CUBN: variants seen among roughly 807,000 people sequenced by gnomAD.
CUBN encodes 460 kDa receptor.
CUBN carries 282 observed loss-of-function variants against 405.3 expected under a neutral mutation model. The ratio of observed to expected loss-of-function variants is 0.70; its 90% confidence interval spans 0.63 to 0.77. The LOEUF is 0.77. Among genes scored for constraint, CUBN ranks in the 30% least tolerant of loss-of-function variants. CUBN has a pLI of 0.00. For missense variants in CUBN, 4,514 were observed against 4,475.2 expected (o/e 1.01, Z -0.25); for synonymous variants, 1,684 against 1,617.0 (o/e 1.04, Z -0.99).
intron 58 of CUBN, 87 bp from the exon 59 acceptor site, chr10:16,869,940 GA>G: frequency 1.1e-6 from 1 of 920,934 alleles, no homozygotes; most frequent in South Asian, 1.4e-5. Flanking sequence ...AAATGACAAG[GA>G]AAAAACTACC....
In CUBN at chr10:16,991,175, C is replaced by T. The variant is rs115170477; in HGVS notation, c.4169-660G>A. The stretch of plus-strand genomic sequence containing the variant: ...AGAAAGCCATTCAGGCAGACCATGA[C>T]AACAAATAATCAAATGCTGTAGCCT... On this transcript the variant is annotated intron_variant, in intron 28 of 66. Coordinates refer to ENST00000377833, the MANE Select transcript of CUBN (RefSeq NM_001081.4). 3.0e-3 allele frequency among the ~76,000 whole-genome samples: 454 copies of T among 152,332 alleles called. 3 individuals are homozygous for T. The highest frequency in any genetic ancestry group is 0.011 in the African/African-American group (438 of 41,578).
chr10:16,862,190 A>ACAT (rs1554783679), intron 59 of CUBN, among the ~76,000 whole-genome samples: 1 of 150,372 alleles, frequency 6.7e-6, no homozygotes, highest in Non-Finnish European at 1.5e-5. Flanking sequence ...ACACACACAC[A>ACAT]CACATCACAT....
intron 28 of CUBN, among the ~76,000 whole-genome samples, chr10:17,005,293 A>G (rs1158330945): frequency 6.6e-6 from 1 of 152,056 alleles, no homozygotes; most frequent in Non-Finnish European, 1.5e-5. Context: ...TTGTTCGGAC[A>G]TTTTTTTCCA....
chr10:17,045,888 C>A, intron 24 of CUBN, 46 bp downstream of exon 24: 1 of 1,599,028 alleles, frequency 6.3e-7, no homozygotes, highest in Non-Finnish European at 8.6e-7. Context: ...ATCAAGAAAC[C>A]AATCAGATTG....
chr10:16,836,726 T>C (rs188856892), intron 62 of CUBN, among the ~76,000 whole-genome samples: 4 of 152,342 alleles, frequency 2.6e-5, no homozygotes, highest in African/African-American at 9.6e-5. Context: ...TCTCTCCTCC[T>C]GGGGCTTTTG....
At chr10:17,067,103 T>G (rs947028879) in intron 21 of CUBN, among the ~76,000 whole-genome samples, 1 of 152,136 alleles carries the variant, frequency 6.6e-6, no homozygotes, top group South Asian at 2.1e-4. Context: ...ATTGAAAATG[T>G]CTGGTATCCC....
At position 16,851,442 on chromosome 10, in the gene CUBN, C is replaced by G. The variant is rs1165493180; in HGVS notation, c.9456G>C (p.Gly3152=). 1 of 1,613,996 alleles carries G rather than the reference C, an allele frequency of 6.2e-7. No individual in the cohort carries two copies. The highest frequency in any genetic ancestry group is 1.1e-5 in the South Asian group (1 of 91,074). ...GWKMSFRQTL[G]PQQGCGGYLT... is the part of the protein sequence containing the mutation. Reference sequence around the variant, plus strand: ...GATAACCACCACATCCTTGCTGAGGCCCTGCATTAAAACAAAGACATCACT... The same window carrying G: ...GATAACCACCACATCCTTGCTGAGGGCCTGCATTAAAACAAAGACATCACT... Residue 3152 remains glycine (G), a splice_region_variant and synonymous_variant, in exon 60 of 67, where the codon GGG becomes GGC. Coordinates refer to ENST00000377833, the MANE Select transcript of CUBN (RefSeq NM_001081.4).
intron 4 of CUBN, among the ~76,000 whole-genome samples, chr10:17,125,064 T>C (rs1444008618): frequency 6.6e-6 from 1 of 150,548 alleles, no homozygotes; most frequent in Non-Finnish European, 1.5e-5. Flanking sequence ...ACTCCCGACC[T>C]CACATGATCC....
At chr10:16,977,742 G>A (rs559326373) in intron 31 of CUBN, among the ~76,000 whole-genome samples, 23 of 152,258 alleles carry the variant, frequency 1.5e-4, no homozygotes, top group African/African-American at 5.3e-4. Context: ...GGGAGTTGTA[G>A]GCACCCACCC....
intron 59 of CUBN, among the ~76,000 whole-genome samples, chr10:16,862,160 TCACACACA>T (rs66664283): frequency 5.3e-4 from 70 of 131,204 alleles, no homozygotes; most frequent in South Asian, 1.2e-3. Flanking sequence ...TCTCTCTCTC[TCACACACA>T]CACACACACA....
At chr10:17,103,532 C>T (rs1836547738) in intron 12 of CUBN, among the ~76,000 whole-genome samples, 1 of 152,210 alleles carries the variant, frequency 6.6e-6, no homozygotes, top group African/African-American at 2.4e-5. Context: ...CCCCACACAA[C>T]ATAGCTCATG....
At chr10:17,018,330 T>C (rs1389427551) in intron 28 of CUBN, among the ~76,000 whole-genome samples, 1 of 152,214 alleles carries the variant, frequency 6.6e-6, no homozygotes, top group Non-Finnish European at 1.5e-5. Flanking sequence ...TTCCAGTGGG[T>C]TCTTGGTCTC....
chr10:16,845,202 G>C (rs1231366829), intron 60 of CUBN, among the ~76,000 whole-genome samples: 3 of 152,178 alleles, frequency 2.0e-5, no homozygotes, highest in African/African-American at 7.2e-5. Flanking sequence ...TAATTTCTAT[G>C]AACTTTTAAT....
In CUBN at chr10:16,948,559, T is replaced by C. The variant is rs756607866; in HGVS notation, c.5128A>G (p.Ser1710Gly). ...DMPHPITSFSSALTLRFVSDS... is the reference protein window; with the variant it reads ...DMPHPITSFSGALTLRFVSDS... ...GAGACGAATCTCAGCGTCAGGGCGC[T>C]GCTGAAGGATGTGATAGGATGGGGC... The change falls in exon 35 of 67, where the codon AGC becomes GGC. Residue 1710 changes from serine (S) to glycine (G), a missense_variant. Ser to Gly is a moderately conservative substitution (Grantham distance 56). This residue lies in a region of CUBN where 1,613 missense variants were observed against 1,542.8 expected (regional missense o/e 1.05). Transcript: ENST00000377833. 2.5e-6 allele frequency: 4 copies of C among 1,614,058 alleles called. No individual in the cohort carries two copies. In the East Asian group the frequency reaches 6.7e-5, roughly 27 times the overall value.
intron 56 of CUBN, among the ~76,000 whole-genome samples, chr10:16,886,166 C>T (rs542855329): frequency 6.6e-6 from 1 of 152,254 alleles, no homozygotes; most frequent in South Asian, 2.1e-4. Context: ...CATTGATTTA[C>T]ACTTGGCATT....
chr10:16,939,938 G>A (rs1325058622), intron 37 of CUBN, 94 bp downstream of exon 37: 2 of 1,069,106 alleles, frequency 1.9e-6, no homozygotes, highest in Non-Finnish European at 2.9e-6. Flanking sequence ...GTAGAGTTTA[G>A]GATTGTTCTT....
chr10:17,079,514 C>T (rs1281110663), intron 17 of CUBN, among the ~76,000 whole-genome samples: 1 of 152,060 alleles, frequency 6.6e-6, no homozygotes, highest in Non-Finnish European at 1.5e-5. Flanking sequence ...GCTGGAGTTA[C>T]AGGCATGAGC....
chr10:17,096,124 G>C (rs1265782624), intron 14 of CUBN, among the ~76,000 whole-genome samples: 2 of 152,060 alleles, frequency 1.3e-5, no homozygotes, highest in East Asian at 3.8e-4. Context: ...TGGTGGCCAG[G>C]AGCTGAGAGG....
chr10:16,856,267 C>T (rs553246394), intron 59 of CUBN, among the ~76,000 whole-genome samples: 1 of 152,276 alleles, frequency 6.6e-6, no homozygotes, highest in Admixed American at 6.5e-5. Context: ...TCAGCACCTG[C>T]CTCATCAATC....
Sources: allele counts gnomAD v4.1 joint callset (sites outside exome capture counted in the v4.1 genomes callset), GRCh38; gene constraint gnomAD v4.1.1; regional missense constraint gnomAD v4.1.1; transcripts MANE v1.5; gene names NCBI Gene and HGNC (gene_info 2026-07-23, HGNC 2026-07-21).